Variants in RAPGEF2 observed in about 807,000 individuals in gnomAD.
The protein encoded by RAPGEF2 is Rap guanine nucleotide exchange factor 2, also known as PDZ domain containing guanine nucleotide exchange factor (GEF) 1.
Under a neutral mutation model 186.7 loss-of-function variants are expected in RAPGEF2, and 54 were observed. The ratio of observed to expected loss-of-function variants is 0.29; its 90% CI spans 0.23 to 0.36. The LOEUF (loss-of-function observed/expected upper bound fraction) is 0.36, where lower values mean the gene tolerates loss of function less well. Ranked by LOEUF, RAPGEF2 falls within the 10% of genes least tolerant of loss-of-function variation. RAPGEF2 has a pLI of 1.00. For missense variants in RAPGEF2, 1,532 were observed against 2,045.0 expected, an observed-to-expected ratio of 0.75 and a Z score of 4.84; for synonymous variants, 712 against 705.9, an observed-to-expected ratio of 1.01 and a Z score of -0.14.
intron 8 of RAPGEF2, among the ~76,000 whole-genome samples, chr4:159,311,006 A>G (rs983685507): frequency 1.3e-5 from 2 of 151,754 alleles, no homozygotes; most frequent in Non-Finnish European, 2.9e-5. Flanking sequence ...TTATAAGACT[A>G]TTGAGAATGT....
intron 7 of RAPGEF2, among the ~76,000 whole-genome samples, chr4:159,284,532 A>G (rs947028176): frequency 7.2e-6 from 1 of 139,700 alleles, no homozygotes; most frequent in African/African-American, 2.8e-5. Flanking sequence ...ACACACACAC[A>G]CACGAATTGT....
rs1763487869 is a variant in RAPGEF2, at chr4:159,307,832, G to A, written c.675+3359G>A. 2.0e-5 allele frequency among the ~76,000 whole-genome samples: 3 copies of A among 152,094 alleles called. No homozygotes were observed. In the South Asian group the frequency reaches 6.2e-4, roughly 32 times the overall value. On this transcript the variant is annotated intron_variant, in intron 8 of 29. Coordinates refer to ENST00000691494, the MANE Select transcript of RAPGEF2 (RefSeq NM_001394067.2). Reference sequence around the variant, plus strand: ...ACTAAAATACAAAAATTAGCCAGGTGTAGTGGTGCATGCCTATAGTCCCAG... The same window carrying A: ...ACTAAAATACAAAAATTAGCCAGGTATAGTGGTGCATGCCTATAGTCCCAG...
chr4:159,309,995 G>GTTTTAATTTAATACAA (rs1561255964), intron 8 of RAPGEF2, among the ~76,000 whole-genome samples: 2 of 151,822 alleles, frequency 1.3e-5, no homozygotes, highest in African/African-American at 4.8e-5. Flanking sequence ...TTTTAATAAA[G>GTTTTAATTTAATACAA]GATCAAAACA....
chr4:159,203,064 G>T (rs1417579656), intron 3 of RAPGEF2, among the ~76,000 whole-genome samples: 1 of 152,074 alleles, frequency 6.6e-6, no homozygotes, highest in Non-Finnish European at 1.5e-5. Context: ...TGTTCTTTCA[G>T]TTCCCTTGTC....
chr4:159,201,011 C>A (rs1749347910), intron 3 of RAPGEF2, among the ~76,000 whole-genome samples: 1 of 152,260 alleles, frequency 6.6e-6, no homozygotes, highest in South Asian at 2.1e-4. Flanking sequence ...GTTAGTCCTC[C>A]TTCTAAAATT....
intron 1 of RAPGEF2, among the ~76,000 whole-genome samples, chr4:159,108,841 C>G (rs983676179): frequency 6.6e-5 from 10 of 152,036 alleles, no homozygotes; most frequent in African/African-American, 2.2e-4. Context: ...GCGTCAGCCT[C>G]GAGTAACTGG....
Position 159,358,696 on chromosome 4 carries a change from AT to A in RAPGEF2, c.*561del, listed in dbSNP as rs1328164032. 2 of 151,890 alleles carry A rather than the reference AT, an allele frequency of 1.3e-5. No homozygotes were observed. The highest frequency in any genetic ancestry group is 2.9e-5 in the Non-Finnish European group (2 of 68,016). 9.4% of individuals were successfully genotyped at this position (151,890 alleles called of 1,614,324 possible). ...TTAAAAAAAAAAAATGAGTTTAAAG[AT>A]TTTGTTCAGAGAGTAAATATATATC... On this transcript the variant is annotated 3_prime_UTR_variant, in exon 30 of 30. Transcript: ENST00000691494.
At chr4:159,144,879 GTTTTTTTTTTTTTTT>G (rs137978885) in intron 1 of RAPGEF2, among the ~76,000 whole-genome samples, 4 of 92,338 alleles carry the variant, frequency 4.3e-5, no homozygotes, top group African/African-American at 1.7e-4. Context: ...CTTTCTTCCT[GTTTTTTTTTTTTTTT>G]TTTTTTTTTT....
intron 17 of RAPGEF2, among the ~76,000 whole-genome samples, chr4:159,335,038 TATC>T (rs1302935641): frequency 6.6e-6 from 1 of 152,162 alleles, no homozygotes; most frequent in Non-Finnish European, 1.5e-5. Context: ...TTCTATAAAT[TATC>T]ATTTGTGTAT....
Position 159,358,257 on chromosome 4 carries a change from C to T in RAPGEF2, c.*118C>T. 1 of 996,092 alleles carries T rather than the reference C, an allele frequency of 1.0e-6. No homozygotes were observed. The highest frequency in any genetic ancestry group is 2.6e-5 in the East Asian group (1 of 38,886). 61.7% of individuals were successfully genotyped at this position (996,092 alleles called of 1,614,324 possible). A position where few individuals can be genotyped will look rare whatever the true frequency, so the allele number is the denominator to read the frequency against. ...GGACGGTGGACCAGTTTGCCTCCTT[C>T]CCTGCCTTAAAAGCAGCATGGGGCT... On this transcript the variant is annotated 3_prime_UTR_variant, in exon 30 of 30. Coordinates refer to ENST00000691494, the MANE Select transcript of RAPGEF2 (RefSeq NM_001394067.2).
intron 7 of RAPGEF2, among the ~76,000 whole-genome samples, chr4:159,283,305 C>T (rs895426812): frequency 6.6e-5 from 10 of 151,908 alleles, no homozygotes; most frequent in African/African-American, 2.4e-4. Flanking sequence ...AAATAATTTT[C>T]CAATGTGTTC....
At chr4:159,198,232 TTTTCTTTC>T (rs143926924) in intron 3 of RAPGEF2, among the ~76,000 whole-genome samples, 1 of 132,716 alleles carries the variant, frequency 7.5e-6, no homozygotes. Flanking sequence ...TTTTATTTTC[TTTTCTTTC>T]TTTCTTCCTT....
intron 3 of RAPGEF2, among the ~76,000 whole-genome samples, chr4:159,198,124 A>G (rs1475469924): frequency 6.6e-6 from 1 of 152,120 alleles, no homozygotes; most frequent in Non-Finnish European, 1.5e-5. Context: ...ATCACAGTAA[A>G]TTGTTTGAAA....
chr4:159,163,537 A>G (rs547344955), intron 1 of RAPGEF2, among the ~76,000 whole-genome samples: 1 of 152,250 alleles, frequency 6.6e-6, no homozygotes. Flanking sequence ...GTGTTGTACA[A>G]AATTTAGGCT....
At chr4:159,167,732 G>A (rs1482766752) in intron 1 of RAPGEF2, among the ~76,000 whole-genome samples, 1 of 152,130 alleles carries the variant, frequency 6.6e-6, no homozygotes, top group Non-Finnish European at 1.5e-5. Context: ...CACTATTCTT[G>A]GCACAAGAAG....
chr4:159,194,360 G>T (rs548531594), intron 3 of RAPGEF2, among the ~76,000 whole-genome samples: 1 of 152,210 alleles, frequency 6.6e-6, no homozygotes, highest in African/African-American at 2.4e-5. Flanking sequence ...TCAGGTCCTG[G>T]GTTCTTCAGG....
At chr4:159,177,179 A>G (rs971231667) in intron 1 of RAPGEF2, among the ~76,000 whole-genome samples, 1 of 151,676 alleles carries the variant, frequency 6.6e-6, no homozygotes, top group Non-Finnish European at 1.5e-5. Flanking sequence ...CAGACAATTT[A>G]GGGACCCTTA....
At position 159,198,248 on chromosome 4, in the gene RAPGEF2, CTTTCTTTCTTTCTCTTTCT is replaced by C. The variant is rs1467677777; in HGVS notation, c.197+4995_197+5013del. Among the ~76,000 whole-genome samples the C allele has an allele frequency of 8.0e-4, 92 of 115,338 alleles. 1 individual carries two copies. Among genetic ancestry groups the C allele is most frequent in the African/African-American group, 1.6e-3 (45 of 28,580 alleles). The allele number at this position is 115,338 out of a possible 152,430, so 75.7% of individuals were successfully genotyped here. ...TTTATTTTCTTTTCTTTCTTTCTTC[CTTTCTTTCTTTCTCTTTCT>C]TTCCTTCTTTCTTTCTTTCTTTCTT... On this transcript the variant is annotated intron_variant, in intron 3 of 29. Transcript: ENST00000691494.
At position 159,346,931 on chromosome 4, in the gene RAPGEF2, A is replaced by G. The variant is rs1730398862; in HGVS notation, c.3645A>G (p.Leu1215=). ...PPPAHKINQG[L]QVPAVSLYPS... is the part of the protein sequence containing the mutation. ...CAGCACATAAAATCAACCAGGGACT[A>G]CAGGTTCCCGCCGTGTCCCTTTATC... Residue 1215 remains leucine, a synonymous_variant, in exon 25 of 30, where the codon CTA becomes CTG. Coordinates refer to ENST00000691494, the MANE Select transcript of RAPGEF2 (RefSeq NM_001394067.2). 6.2e-7 allele frequency: 1 copy of G among 1,614,244 alleles called. No individual in the cohort carries two copies. Among genetic ancestry groups the G allele is most frequent in the Non-Finnish European group, 8.5e-7 (1 of 1,180,036 alleles).
Sources: gnomAD v4.1 joint callset for allele counts (sites outside exome capture counted in the v4.1 genomes callset) on GRCh38, gnomAD v4.1.1 for gene constraint, MANE v1.5 for transcripts, NCBI Gene and HGNC (gene_info 2026-07-23, HGNC 2026-07-21) for gene names.